Variants in COL7A1 observed in about 807,000 individuals in gnomAD.
COL7A1 encodes the protein collagen alpha-1(VII) chain.
COL7A1 carries 296 observed loss-of-function variants against 456.2 expected under a neutral mutation model. The ratio of observed to expected loss-of-function variants is 0.65; its 90% confidence interval spans 0.59 to 0.71. COL7A1 has a LOEUF of 0.71. COL7A1 is among the 30% of genes least tolerant of loss of function. COL7A1 has a pLI of 0.00. For synonymous variants in COL7A1, 1,464 were observed against 1,525.9 expected (o/e 0.96, Z 0.95); for missense variants, 3,441 against 4,017.2 (o/e 0.86, Z 3.88).
In COL7A1 at chr3:48,594,591, A is replaced by G. The variant is rs567166154; in HGVS notation, c.86-43T>C. 5.5e-5 allele frequency: 85 copies of G among 1,539,406 alleles called. 1 individual carries two copies. The South Asian group carries it at 9.9e-4, about 18-fold the overall frequency. On this transcript the variant is annotated intron_variant, in intron 2 of 118. Transcript: ENST00000681320. The surrounding 1 kb of genome is among the most constrained non-coding windows in gnomAD (Gnocchi z 5.5). ...GATCAGGGCCTCTTCTGGGAGGCCA[A>G]CCACCCGCCTACCCGCACGGTGGCC...
In COL7A1 at chr3:48,592,710, C is replaced by A. The variant is rs1279298853; in HGVS notation, c.847-11G>T. 6.2e-7 allele frequency: 1 copy of A among 1,613,594 alleles called. No individual in the cohort carries two copies. The highest frequency in any genetic ancestry group is 2.2e-5 in the East Asian group (1 of 44,880). ...AGCTGGGACGTTCACCTGCCCAGGG[C>A]AAGAGGTCACTTTATCTTGCCCAGC... On this transcript the variant is annotated splice_polypyrimidine_tract_variant and intron_variant, in intron 7 of 118. Coordinates refer to ENST00000681320, the MANE Select transcript of COL7A1 (RefSeq NM_000094.4). This position sits in a 1 kb window ranked among gnomAD's most constrained non-coding sequence, Gnocchi z 7.6.
Position 48,581,815 on chromosome 3 carries a change from C to G in COL7A1, c.4669-56G>C. 1.2e-6 allele frequency: 2 copies of G among 1,613,504 alleles called. No homozygotes were observed. Among genetic ancestry groups the G allele is most frequent in the Non-Finnish European group, 1.7e-6 (2 of 1,179,524 alleles). On this transcript the variant is annotated intron_variant, in intron 48 of 118. Transcript: ENST00000681320. This position sits in a 1 kb window ranked among gnomAD's most constrained non-coding sequence, Gnocchi z 5.8. ...CCCAGGCTCCAGTTAACCCCCTGAC[C>G]CAGCAAGTCCTGTGACCCCCCAAGT...
At position 48,584,768 on chromosome 3, in the gene COL7A1, C is replaced by T; in HGVS notation, c.4013G>A (p.Gly1338Glu). ...CTTTGGGCCTCGAGGTCCTCGCTCT[C>T]CCTGAGGACGAAACAGAGCAGAGGG... The part of the protein sequence containing the change: ...PGLPGPRGDP[G>E]ERGPRGPKGE... The change falls in exon 35 of 119, where the codon GGA becomes GAA. Residue 1338 changes from glycine (G) to glutamate (E), a missense_variant and splice_region_variant. Transcript: ENST00000681320. 2 of 1,614,028 alleles carry T rather than the reference C, an allele frequency of 1.2e-6. No homozygotes were observed. Among genetic ancestry groups the T allele is most frequent in the South Asian group, 1.1e-5 (1 of 91,086 alleles).
In COL7A1 at chr3:48,587,511, GGT is replaced by G; in HGVS notation, c.2899_2900del (p.Thr967LeufsTer72). ...VPSIELRVVD[T>X]SIDSVTLAWT... ...AGGCCAAAGTCACCGAGTCGATCGA[GGT>G]GTCCACCACACGTAGTTCAATGCTT... On this transcript the variant is annotated frameshift_variant, in exon 23 of 119. Coordinates refer to ENST00000681320, the MANE Select transcript of COL7A1 (RefSeq NM_000094.4). LOFTEE classifies it high-confidence loss of function. The surrounding 1 kb of genome is among the most constrained non-coding windows in gnomAD (Gnocchi z 6.1). The G allele has an allele frequency of 6.2e-7, 1 of 1,613,486 alleles. No individual in the cohort carries two copies. Among genetic ancestry groups the G allele is most frequent in the Non-Finnish European group, 8.5e-7 (1 of 1,180,036 alleles).
In COL7A1 at chr3:48,582,327, A is replaced by G. The variant is rs2044821469; in HGVS notation, c.4631T>C (p.Val1544Ala). Residue 1544 changes from valine to alanine, a missense_variant, in exon 47 of 119, where the codon GTG becomes GCG. Transcript: ENST00000681320. Reference protein sequence around the residue: ...GEPGRPGDPAVVGPAVAGPKG... With the variant: ...GEPGRPGDPAAVGPAVAGPKG... ...CGCCATCCTCCCGTCACTCACCACC[A>G]CTGCAGGGTCCCCAGGGCGACCAGG... 6.2e-7 allele frequency: 1 copy of G among 1,613,892 alleles called. No homozygotes were observed.
In COL7A1 at chr3:48,564,781, A is replaced by T. The variant is rs1171778175; in HGVS notation, c.8818+2T>A. The T allele has an allele frequency of 6.2e-7, 1 of 1,613,252 alleles. No individual in the cohort carries two copies. Among genetic ancestry groups the T allele is most frequent in the Admixed American group, 1.7e-5 (1 of 59,986 alleles). Reference sequence around the variant, plus strand: ...TCCCCACGGTGGGGGCTCAGCCCATACCTGTCCCCTGGCTCTGGACCACCC... The same window carrying T: ...TCCCCACGGTGGGGGCTCAGCCCATTCCTGTCCCCTGGCTCTGGACCACCC... On this transcript the variant is annotated splice_donor_variant, in intron 118 of 118. Coordinates refer to ENST00000681320, the MANE Select transcript of COL7A1 (RefSeq NM_000094.4). LOFTEE classifies it high-confidence loss of function. This position sits in a 1 kb window ranked among gnomAD's most constrained non-coding sequence, Gnocchi z 6.0.
chr3:48,588,686 A>C lies in COL7A1; in HGVS notation c.2543T>G (p.Val848Gly), dbSNP rs758940600. ...VSYSVRVTAL[V>G]GDREGTPVSI... ...GACAGGTGTGCCCTCGCGGTCCCCG[A>C]CAAGTGCAGTCACTCGCACTGAGTA... Residue 848 changes from valine (V) to glycine (G), a missense_variant, in exon 20 of 119, where the codon GTC becomes GGC. Val to Gly is a moderately radical substitution (Grantham distance 109). Around this residue, in one of 3 missense-constraint regions of COL7A1, gnomAD observed 444 missense variants for 427.6 expected, o/e 1.04. Transcript: ENST00000681320. The surrounding 1 kb of genome is among the most constrained non-coding windows in gnomAD (Gnocchi z 4.6). 15 of 1,613,750 alleles carry C rather than the reference A, an allele frequency of 9.3e-6. No homozygotes were observed. The East Asian group carries it at 3.1e-4, about 34-fold the overall frequency.
intron 47 of COL7A1, 139 bp downstream of exon 47, chr3:48,582,184 C>T: frequency 6.6e-7 from 1 of 1,506,422 alleles, no homozygotes; most frequent in Non-Finnish European, 9.2e-7. Context: ...GGGGCAGGTT[C>T]TAGCAGAAGG....
chr3:48,567,945 C>T lies in COL7A1; in HGVS notation c.7876-54G>A, dbSNP rs1412234927. On this transcript the variant is annotated intron_variant, in intron 106 of 118. Transcript: ENST00000681320. This position sits in a 1 kb window ranked among gnomAD's most constrained non-coding sequence, Gnocchi z 4.3. ...ATTCCCAGACACCTCACTCTGTGAC[C>T]CCCTTCACCCTGAAACTAACTCTCC... is the stretch of plus-strand genomic sequence containing the variant. The T allele has an allele frequency of 6.2e-7, 1 of 1,609,548 alleles. No individual in the cohort carries two copies. The highest frequency in any genetic ancestry group is 8.5e-7 in the Non-Finnish European group (1 of 1,176,136).
In COL7A1 at chr3:48,574,443, A is replaced by G; in HGVS notation, c.6456+45T>C. On this transcript the variant is annotated intron_variant, in intron 79 of 118. Coordinates refer to ENST00000681320, the MANE Select transcript of COL7A1 (RefSeq NM_000094.4). The surrounding 1 kb of genome is among the most constrained non-coding windows in gnomAD (Gnocchi z 5.0). Reference sequence around the variant, plus strand: ...CCCTGCACACAGGACAATACATGTGAGAGCCACCTTCTTGCACATGTGTGG... The same window carrying G: ...CCCTGCACACAGGACAATACATGTGGGAGCCACCTTCTTGCACATGTGTGG... 6.2e-7 allele frequency: 1 copy of G among 1,613,814 alleles called. No individual in the cohort carries two copies. Among genetic ancestry groups the G allele is most frequent in the East Asian group, 2.2e-5 (1 of 44,884 alleles).
In COL7A1 at chr3:48,571,167, G is replaced by T. The variant is rs2043894393; in HGVS notation, c.7105-7C>A. 1 of 1,614,080 alleles carries T rather than the reference G, an allele frequency of 6.2e-7. No homozygotes were observed. Among genetic ancestry groups the T allele is most frequent in the African/African-American group, 1.3e-5 (1 of 75,028 alleles). On this transcript the variant is annotated splice_region_variant and splice_polypyrimidine_tract_variant and intron_variant, in intron 93 of 118. Coordinates refer to ENST00000681320, the MANE Select transcript of COL7A1 (RefSeq NM_000094.4). The surrounding 1 kb of genome is among the most constrained non-coding windows in gnomAD (Gnocchi z 4.6). The stretch of plus-strand genomic sequence containing the variant: ...CCCCGACTCCTGGGTCACCCTTTGA[G>T]GAAAAGAGGCATCGGATCAAGCTCA...
chr3:48,565,190 G>T lies in COL7A1; in HGVS notation c.8539C>A (p.Pro2847Thr). Residue 2847 changes from proline (P) to threonine (T), a missense_variant, in exon 117 of 119, where the codon CCT (proline) becomes ACT (threonine). Physicochemically the swap from Pro to Thr is conservative, Grantham distance 38 (BLOSUM62 -1). This residue lies in a region of COL7A1 where 2,084 missense variants were observed against 2,501.3 expected (regional missense o/e 0.83). Coordinates refer to ENST00000681320, the MANE Select transcript of COL7A1 (RefSeq NM_000094.4). This position sits in a 1 kb window ranked among gnomAD's most constrained non-coding sequence, Gnocchi z 4.5. Reference protein sequence around the residue: ...SHAEEEERVPPEDDEYSEYSE... With the variant: ...SHAEEEERVPTEDDEYSEYSE... ...TATTCAGAGTACTCATCATCCTCAG[G>T]GGGTACCCGCTCTGCAGGTAGGGCA... 7 of 1,613,734 alleles carry T rather than the reference G, an allele frequency of 4.3e-6. No homozygotes were observed. The highest frequency in any genetic ancestry group is 5.9e-6 in the Non-Finnish European group (7 of 1,179,822).
In COL7A1 at chr3:48,572,964, A is replaced by G; in HGVS notation, c.6751-22T>C. On this transcript the variant is annotated intron_variant, in intron 86 of 118. Coordinates refer to ENST00000681320, the MANE Select transcript of COL7A1 (RefSeq NM_000094.4). This position sits in a 1 kb window ranked among gnomAD's most constrained non-coding sequence, Gnocchi z 4.6. ...CCCCCTGAGAGGGAAGAGCTCTGTC[A>G]GGGCTGCCTGTCGACCCTTGACCCC... 6.2e-7 allele frequency: 1 copy of G among 1,614,016 alleles called. No homozygotes were observed. The highest frequency in any genetic ancestry group is 8.5e-7 in the Non-Finnish European group (1 of 1,179,994).
chr3:48,593,619 C>A lies in COL7A1; in HGVS notation c.344G>T (p.Gly115Val). ...AATTGCAGCCCCTGTGCGAGTGTTG[C>A]CCCCCTTGTAGCTAAGCTCACGGAT... ...RAIRELSYKG[G>V]NTRTGAAILH... The change falls in exon 4 of 119, where the codon GGC becomes GTC. Residue 115 changes from glycine (G) to valine (V), a missense_variant. By Grantham distance (109) the Gly-to-Val change is moderately radical (BLOSUM62 -3). Transcript: ENST00000681320. The surrounding 1 kb of genome is among the most constrained non-coding windows in gnomAD (Gnocchi z 4.4). 1 of 1,614,184 alleles carries A rather than the reference C, an allele frequency of 6.2e-7. No homozygotes were observed. Among genetic ancestry groups the A allele is most frequent in the Non-Finnish European group, 8.5e-7 (1 of 1,180,010 alleles).
chr3:48,565,362 G>A lies in COL7A1; in HGVS notation c.8527+48C>T, dbSNP rs770632676. ...CCTGCATTCATGGACACCCATGTGC[G>A]TGTCTCGGCCCCACCCATAGCTGCC... On this transcript the variant is annotated intron_variant, in intron 116 of 118. Coordinates refer to ENST00000681320, the MANE Select transcript of COL7A1 (RefSeq NM_000094.4). The surrounding 1 kb of genome is among the most constrained non-coding windows in gnomAD (Gnocchi z 4.5). The A allele has an allele frequency of 1.1e-5, 17 of 1,564,176 alleles. No homozygotes were observed. Among genetic ancestry groups the A allele is most frequent in the African/African-American group, 2.7e-5 (2 of 73,780 alleles).
rs773906492 is a variant in COL7A1 at position 48,567,918 on chromosome 3, T to C, written c.7876-27A>G. 3.7e-6 allele frequency: 6 copies of C among 1,613,866 alleles called. No homozygotes were observed. Among genetic ancestry groups the C allele is most frequent in the Admixed American group, 1.7e-5 (1 of 60,008 alleles). On this transcript the variant is annotated intron_variant, in intron 106 of 118. Transcript: ENST00000681320. The surrounding 1 kb of genome is among the most constrained non-coding windows in gnomAD (Gnocchi z 4.3). ...TGAGGGAGAAAAGCAGATGAAGAAGTGATTCCCAGACACCTCACTCTGTGA... is the reference window on the plus strand; with the variant it reads ...TGAGGGAGAAAAGCAGATGAAGAAGCGATTCCCAGACACCTCACTCTGTGA...
Position 48,564,908 on chromosome 3 carries a change from G to C in COL7A1, c.8693C>G (p.Thr2898Arg). The stretch of plus-strand genomic sequence containing the variant: ...AGGGTGACAGGCCTCTGTGCTGCCT[G>C]TCACAGCCCGATGGTACCAGCGCAG... ...YTLRWYHRAV[T>R]GSTEACHPFV... The change falls in exon 118 of 119, where the codon ACA becomes AGA. Residue 2898 changes from threonine (T) to arginine (R), a missense_variant. Coordinates refer to ENST00000681320, the MANE Select transcript of COL7A1 (RefSeq NM_000094.4). The surrounding 1 kb of genome is among the most constrained non-coding windows in gnomAD (Gnocchi z 6.0). 6.2e-7 allele frequency: 1 copy of C among 1,614,252 alleles called. No homozygotes were observed. The highest frequency in any genetic ancestry group is 1.1e-5 in the South Asian group (1 of 91,092).
In COL7A1 at chr3:48,585,538, C is replaced by G. The variant is rs1307955824; in HGVS notation, c.3894+19G>C. 2 of 1,613,534 alleles carry G rather than the reference C, an allele frequency of 1.2e-6. No individual in the cohort carries two copies. Among genetic ancestry groups the G allele is most frequent in the East Asian group, 4.5e-5 (2 of 44,876 alleles). On this transcript the variant is annotated intron_variant, in intron 32 of 118. Transcript: ENST00000681320. The surrounding 1 kb of genome is among the most constrained non-coding windows in gnomAD (Gnocchi z 4.5). The stretch of plus-strand genomic sequence containing the variant: ...TTTGAGGAGTGCCTCAGAGAAACCT[C>G]GATGGTCTCCACACTCACCCTCTCG...
Position 48,575,284 on chromosome 3 carries a change from T to TGGCCC in COL7A1, c.6181-43_6181-42insGGGCC, listed in dbSNP as rs2044214137. 6.5e-6 allele frequency: 10 copies of TGGCCC among 1,533,250 alleles called. No homozygotes were observed. The highest frequency in any genetic ancestry group is 9.0e-6 in the Non-Finnish European group (10 of 1,110,620). The allele number at this position is 1,533,250 out of a possible 1,614,324, so 95.0% of individuals were successfully genotyped here. A position where few individuals can be genotyped will look rare whatever the true frequency, so the allele number is the denominator to read the frequency against. On this transcript the variant is annotated intron_variant, in intron 74 of 118. Coordinates refer to ENST00000681320, the MANE Select transcript of COL7A1 (RefSeq NM_000094.4). This position sits in a 1 kb window ranked among gnomAD's most constrained non-coding sequence, Gnocchi z 6.3. ...GGGTGAGGGCCAAGCCCATGGGGGG[T>TGGCCC]CCCACCCCTCCCAACCCCTCTTCCC...
Sources: allele counts gnomAD v4.1 joint callset, GRCh38; gene constraint gnomAD v4.1.1; regional missense constraint gnomAD v4.1.1; non-coding constraint Gnocchi (gnomAD v3.1); transcripts MANE v1.5; gene names NCBI Gene and HGNC (gene_info 2026-07-23, HGNC 2026-07-21).